GREB1L: variants seen among roughly 807,000 people sequenced by gnomAD.
The protein encoded by GREB1L is GREB1 like retinoic acid receptor coactivator.
Under a neutral mutation model 200.8 loss-of-function variants are expected in GREB1L, and 17 were observed. That is an observed-to-expected ratio of 0.08 (90% CI 0.06 to 0.13). The LOEUF is 0.13. Among genes scored for constraint, GREB1L ranks in the 10% least tolerant of loss-of-function variants. GREB1L has a pLI of 1.00. For missense variants in GREB1L, 1,657 were observed against 2,367.7 expected (o/e 0.70, Z 6.23); for synonymous variants, 789 against 893.0 (o/e 0.88, Z 2.08).
intron 1 of GREB1L, among the ~76,000 whole-genome samples, chr18:21,281,627 T>C (rs1355811876): frequency 6.6e-6 from 1 of 152,244 alleles, no homozygotes; most frequent in Non-Finnish European, 1.5e-5. Flanking sequence ...GACCCTTGCA[T>C]AAAATTTTGG....
chr18:21,420,018 AG>A (rs1435724065), intron 7 of GREB1L, among the ~76,000 whole-genome samples: 2 of 152,384 alleles, frequency 1.3e-5, no homozygotes, highest in East Asian at 3.9e-4. Context: ...AATCTAAAAA[AG>A]AACAAATCGA....
chr18:21,432,705 CTTTTTT>C (rs11380208), intron 7 of GREB1L, among the ~76,000 whole-genome samples: 9 of 94,368 alleles, frequency 9.5e-5, no homozygotes, highest in Non-Finnish European at 1.6e-4. Context: ...TCTTTTTTTT[CTTTTTT>C]TTTTTTTTTT....
At chr18:21,269,905 T>C (rs1406073503) in intron 1 of GREB1L, among the ~76,000 whole-genome samples, 1 of 152,130 alleles carries the variant, frequency 6.6e-6, no homozygotes, top group African/African-American at 2.4e-5. Flanking sequence ...CAGAGGAAGA[T>C]AAAACATACA....
In GREB1L at chr18:21,451,112, G is replaced by A. The variant is rs781345673; in HGVS notation, c.1810G>A (p.Val604Ile). ...EISYELITGK[V>I]SFLASHFKTT... ...TAGTTATGAGCTTATCACAGGAAAG[G>A]TCAGTTTCCTGGCATCACATTTCAA... is the stretch of plus-strand genomic sequence containing the variant. Residue 604 changes from valine to isoleucine, a missense_variant, in exon 13 of 33, where the codon GTC becomes ATC. Physicochemically the swap from Val to Ile is conservative, Grantham distance 29. Coordinates refer to ENST00000424526, the MANE Select transcript of GREB1L (RefSeq NM_001142966.3). 7.7e-6 allele frequency: 12 copies of A among 1,551,406 alleles called. No homozygotes were observed. In the South Asian group the frequency reaches 1.4e-4, roughly 18 times the overall value.
At chr18:21,495,483 G>A (rs371519334) in intron 19 of GREB1L, among the ~76,000 whole-genome samples, 187 bp from the exon 20 acceptor site, 294 of 152,242 alleles carry the variant, frequency 1.9e-3, no homozygotes, top group African/African-American at 6.9e-3. Flanking sequence ...TACAGCCCTC[G>A]TTCCTTCAGA....
chr18:21,475,388 C>A (rs568187332), intron 16 of GREB1L, among the ~76,000 whole-genome samples: 1 of 152,234 alleles, frequency 6.6e-6, no homozygotes, highest in South Asian at 2.1e-4. Context: ...GAGATAGAGT[C>A]TCACTCTGTC....
intron 7 of GREB1L, 21 bp from the exon 8 acceptor site, chr18:21,439,500 T>C: frequency 7.0e-7 from 1 of 1,419,190 alleles, no homozygotes; most frequent in East Asian, 2.5e-5. Flanking sequence ...TTCTGAGCAC[T>C]CCTCTCCTTG....
intron 7 of GREB1L, among the ~76,000 whole-genome samples, chr18:21,422,867 G>A (rs1484917720): frequency 6.6e-6 from 1 of 152,092 alleles, no homozygotes; most frequent in East Asian, 1.9e-4. Flanking sequence ...TTTCCACAGA[G>A]GCTCACTAAT....
chr18:21,440,452 C>T, intron 9 of GREB1L, 64 bp downstream of exon 9: 1 of 1,407,590 alleles, frequency 7.1e-7, no homozygotes, highest in African/African-American at 1.4e-5. Flanking sequence ...TCTTCTACTT[C>T]CATTCTTTCC....
chr18:21,462,072 A>G (rs1463393857), intron 15 of GREB1L, among the ~76,000 whole-genome samples: 1 of 152,180 alleles, frequency 6.6e-6, no homozygotes, highest in Non-Finnish European at 1.5e-5. Context: ...AAGGAAGAAG[A>G]GTTACTGGTG....
chr18:21,391,802 GT>G (rs1474568175), intron 4 of GREB1L, among the ~76,000 whole-genome samples: 21 of 152,240 alleles, frequency 1.4e-4, no homozygotes, highest in African/African-American at 4.6e-4. Flanking sequence ...AGATTGGTTT[GT>G]TTGTTTATTT....
At chr18:21,504,678 C>T (rs181540233) in intron 23 of GREB1L, among the ~76,000 whole-genome samples, 53 of 152,258 alleles carry the variant, frequency 3.5e-4, no homozygotes, top group African/African-American at 5.8e-4. Context: ...TCTACAAAAA[C>T]GTTAGCTGGG....
At chr18:21,425,735 T>G (rs1454105502) in intron 7 of GREB1L, among the ~76,000 whole-genome samples, 1 of 152,218 alleles carries the variant, frequency 6.6e-6, no homozygotes, top group Admixed American at 6.5e-5. Context: ...TTCAGTTGGG[T>G]TGACTCTTTA....
chr18:21,473,189 A>G lies in GREB1L; in HGVS notation c.2341A>G (p.Asn781Asp), dbSNP rs1459403452. ...CACACTGTTTGTGCTAGTTCATGAC[A>G]ACTCCCATGTGGAACTAACGAGGTG... ...PYTLFVLVHD[N>D]SHVELTSVIS... The change falls in exon 16 of 33, where the codon AAC (asparagine) becomes GAC (aspartate). Residue 781 changes from asparagine to aspartate, a missense_variant. Transcript: ENST00000424526. The G allele has an allele frequency of 6.5e-7, 1 of 1,537,410 alleles. No individual in the cohort carries two copies. Among genetic ancestry groups the G allele is most frequent in the Non-Finnish European group, 8.8e-7 (1 of 1,139,526 alleles).
At chr18:21,407,824 A>T (rs2030453182) in intron 7 of GREB1L, among the ~76,000 whole-genome samples, 1 of 152,196 alleles carries the variant, frequency 6.6e-6, no homozygotes, top group Non-Finnish European at 1.5e-5. Context: ...AGGAACATGG[A>T]TGGAACCAGA....
chr18:21,269,058 T>TTA (rs1008638274), intron 1 of GREB1L, among the ~76,000 whole-genome samples: 1 of 152,020 alleles, frequency 6.6e-6, no homozygotes, highest in Non-Finnish European at 1.5e-5. Context: ...AGGAAAAGGG[T>TTA]TACTTTTCAT....
intron 1 of GREB1L, among the ~76,000 whole-genome samples, chr18:21,308,621 C>A (rs1031192645): frequency 7.9e-5 from 12 of 152,188 alleles, no homozygotes; most frequent in African/African-American, 2.7e-4. Flanking sequence ...TTCAGCCTGC[C>A]GGTGTCTCTC....
rs1417477441 is a variant in GREB1L, at chr18:21,384,415, T to C, written c.355+12T>C. The C allele has an allele frequency of 4.6e-5, 70 of 1,530,978 alleles. No individual in the cohort carries two copies. Among genetic ancestry groups the C allele is most frequent in the Non-Finnish European group, 6.1e-5 (69 of 1,139,200 alleles). 94.8% of individuals were successfully genotyped at this position (1,530,978 alleles called of 1,614,324 possible). On this transcript the variant is annotated intron_variant, in intron 4 of 32. Coordinates refer to ENST00000424526, the MANE Select transcript of GREB1L (RefSeq NM_001142966.3). ...TTGCACTACAGATGGTGGGTTTCAG[T>C]TGTGTTTTCTTTTTGCTATTTTGTC...
intron 7 of GREB1L, among the ~76,000 whole-genome samples, chr18:21,420,368 C>A: frequency 1.4e-5 from 2 of 140,898 alleles, no homozygotes. Flanking sequence ...TGAGAGACTC[C>A]ATCTCGAAAA....
Sources: gnomAD v4.1 joint callset for allele counts (sites outside exome capture counted in the v4.1 genomes callset) on GRCh38, gnomAD v4.1.1 for gene constraint, MANE v1.5 for transcripts, NCBI Gene and HGNC (gene_info 2026-07-23, HGNC 2026-07-21) for gene names.